Variants in COL1A2 observed in about 807,000 individuals in gnomAD.
The protein encoded by COL1A2 is collagen type I alpha 2 chain.
In COL1A2, 49 loss-of-function variants were observed where a neutral mutation model predicts 174.3. The ratio of observed to expected loss-of-function variants is 0.28; its 90% CI spans 0.22 to 0.36. COL1A2 has a LOEUF of 0.36. COL1A2 is among the 10% of genes least tolerant of loss of function. The pLI, the probability that COL1A2 is intolerant of heterozygous loss-of-function variation, is 1.00. For missense variants in COL1A2, 1,438 were observed against 1,822.7 expected, an observed-to-expected ratio of 0.79 and a Z score of 3.84; for synonymous variants, 655 against 606.6, an observed-to-expected ratio of 1.08 and a Z score of -1.17.
At chr7:94,404,420 A>C in intron 6 of COL1A2, 136 bp from the exon 7 acceptor site, 1 of 919,226 alleles carries the variant, frequency 1.1e-6, no homozygotes, top group Non-Finnish European at 1.8e-6. Context: ...TGAGTCCTTA[A>C]ATTCTTCCTT....
chr7:94,416,686 A>G (rs1792048680), intron 31 of COL1A2, 183 bp downstream of exon 31: 1 of 592,156 alleles, frequency 1.7e-6, no homozygotes, highest in East Asian at 2.8e-5. Flanking sequence ...CAAACAAACA[A>G]TAGCAACAAA....
At chr7:94,406,583 G>T (rs1232727570) in intron 12 of COL1A2, among the ~76,000 whole-genome samples, 1 of 151,892 alleles carries the variant, frequency 6.6e-6, no homozygotes, top group Non-Finnish European at 1.5e-5. Context: ...TATAATTCCA[G>T]TGTATCTCTG....
intron 48 of COL1A2, 62 bp from the exon 49 acceptor site, chr7:94,427,565 C>T (rs1178561176): frequency 1.9e-6 from 3 of 1,583,644 alleles, no homozygotes; most frequent in African/African-American, 1.3e-5. Context: ...AATCTGCTGC[C>T]ATGGATGTCT....
Position 94,394,958 on chromosome 7 carries a change from C to T in COL1A2, c.-74C>T. 2 of 1,357,530 alleles carry T rather than the reference C, an allele frequency of 1.5e-6. No homozygotes were observed. Among genetic ancestry groups the T allele is most frequent in the Non-Finnish European group, 2.1e-6 (2 of 948,276 alleles). The allele number at this position is 1,357,530 out of a possible 1,614,324, so 84.1% of individuals were successfully genotyped here. A position where few individuals can be genotyped will look rare whatever the true frequency, so the allele number is the denominator to read the frequency against. On this transcript the variant is annotated 5_prime_UTR_variant, in exon 1 of 52. Transcript: ENST00000297268. The stretch of plus-strand genomic sequence containing the variant: ...TACTGGCCACGACTGCATGCCCGCG[C>T]CCGCCAGGTGATACCTCCGCCGGTG...
intron 40 of COL1A2, 124 bp from the exon 41 acceptor site, chr7:94,424,212 C>T: frequency 1.3e-6 from 1 of 767,416 alleles, no homozygotes; most frequent in South Asian, 1.5e-5. Flanking sequence ...AGGATATGTC[C>T]TAGTAATAGG....
Position 94,422,897 on chromosome 7 carries a change from C to T in COL1A2, c.2404-60C>T, listed in dbSNP as rs1792196524. The T allele has an allele frequency of 9.4e-6, 15 of 1,592,054 alleles. 1 individual carries two copies. The highest frequency in any genetic ancestry group is 2.2e-5 in the East Asian group (1 of 44,754). On this transcript the variant is annotated intron_variant, in intron 39 of 51. Coordinates refer to ENST00000297268, the MANE Select transcript of COL1A2 (RefSeq NM_000089.4). ...ATCTTAAGATCTAGAATCTTTGCTG[C>T]TCTCTTCCAGGCCCTTGGTGATTAA...
chr7:94,411,745 A>G (rs1347199259), intron 23 of COL1A2, among the ~76,000 whole-genome samples: 1 of 152,248 alleles, frequency 6.6e-6, no homozygotes, highest in African/African-American at 2.4e-5. Context: ...GAAATTGTTT[A>G]CTAAAAGTAT....
intron 28 of COL1A2, 104 bp from the exon 29 acceptor site, chr7:94,414,118 G>A (rs1379070716): frequency 7.5e-6 from 10 of 1,342,084 alleles, no homozygotes; most frequent in East Asian, 2.3e-5. Flanking sequence ...ACATACAATC[G>A]TGCTCATGTT....
chr7:94,428,096 C>A (rs1019780605), intron 49 of COL1A2, among the ~76,000 whole-genome samples, 197 bp from the exon 50 acceptor site: 2 of 152,194 alleles, frequency 1.3e-5, no homozygotes, highest in South Asian at 4.2e-4. Context: ...GTAATAAGTA[C>A]CCTGATTTGA....
intron 29 of COL1A2, 98 bp from the exon 30 acceptor site, chr7:94,415,128 G>A: frequency 9.1e-7 from 1 of 1,103,902 alleles, no homozygotes; most frequent in South Asian, 1.2e-5. Flanking sequence ...ATACTGCCAG[G>A]TTTATTTCAC....
intron 4 of COL1A2, 33 bp downstream of exon 4, chr7:94,399,117 C>T (rs778969687): frequency 6.3e-7 from 1 of 1,595,332 alleles, no homozygotes; most frequent in Admixed American, 1.7e-5. Context: ...AGGGCTTCGT[C>T]CCGTATTTGA....
chr7:94,398,635 GGA>G (rs1491363075), intron 3 of COL1A2, among the ~76,000 whole-genome samples: 2 of 146,154 alleles, frequency 1.4e-5, no homozygotes, highest in African/African-American at 5.4e-5. Context: ...ACATACAAAA[GGA>G]AAAAAAAAGA....
intron 1 of COL1A2, 40 bp from the exon 2 acceptor site, chr7:94,397,708 C>A (rs1425406385): frequency 8.8e-7 from 1 of 1,132,102 alleles, no homozygotes; most frequent in Non-Finnish European, 1.3e-6. Context: ...TGAAGTGATA[C>A]TAATAATTGT....
At chr7:94,419,819 A>G (rs1271227736) in intron 34 of COL1A2, among the ~76,000 whole-genome samples, 1 of 152,204 alleles carries the variant, frequency 6.6e-6, no homozygotes, top group African/African-American at 2.4e-5. Flanking sequence ...ACAATATCCT[A>G]ATGCACTGAG....
chr7:94,419,418 CA>C, intron 33 of COL1A2, 79 bp from the exon 34 acceptor site: 1 of 1,496,352 alleles, frequency 6.7e-7, no homozygotes, highest in Middle Eastern at 1.7e-4. Flanking sequence ...ACTGTATAAG[CA>C]CAGAAAAAAA....
chr7:94,422,586 AAG>A, intron 39 of COL1A2: 6 of 208,214 alleles, frequency 2.9e-5, no homozygotes, highest in Non-Finnish European at 5.8e-5. Flanking sequence ...AAAAAAAAAA[AAG>A]AAGAAAAAAG....
intron 23 of COL1A2, 80 bp from the exon 24 acceptor site, chr7:94,411,988 T>A: frequency 8.1e-7 from 1 of 1,238,234 alleles, no homozygotes; most frequent in Non-Finnish European, 1.2e-6. Flanking sequence ...AAAAGGTGCC[T>A]TTGTTAGACT....
In COL1A2 at chr7:94,419,538, C is replaced by T; in HGVS notation, c.2066C>T (p.Ala689Val). The T allele has an allele frequency of 6.2e-7, 1 of 1,614,046 alleles. No individual in the cohort carries two copies. The change falls in exon 34 of 52, where the codon GCC becomes GTC. Residue 689 changes from alanine (A) to valine (V), a missense_variant. Physicochemically the swap from Ala to Val is moderately conservative, Grantham distance 64 (BLOSUM62 0). Coordinates refer to ENST00000297268, the MANE Select transcript of COL1A2 (RefSeq NM_000089.4). ...GAVGAPGPAG[A>V]TGDRGEAGAA... ...GTAGGTGCCCCTGGTCCTGCTGGAG[C>T]CACAGGTGACCGGGTAAGCATGCAT... is the stretch of plus-strand genomic sequence containing the variant.
In COL1A2 at chr7:94,406,280, C is replaced by A; in HGVS notation, c.571C>A (p.Gln191Lys). The A allele has an allele frequency of 6.2e-7, 1 of 1,613,978 alleles. No homozygotes were observed. The highest frequency in any genetic ancestry group is 8.5e-7 in the Non-Finnish European group (1 of 1,179,886). The change falls in exon 12 of 52, where the codon CAG (glutamine) becomes AAG (lysine). Residue 191 changes from glutamine (Q) to lysine (K), a missense_variant. Physicochemically the swap from Gln to Lys is moderately conservative, Grantham distance 53 (BLOSUM62 1). Around this residue, in one of 3 missense-constraint regions of COL1A2, gnomAD observed 281 missense variants for 310.9 expected, o/e 0.90. Coordinates refer to ENST00000297268, the MANE Select transcript of COL1A2 (RefSeq NM_000089.4). ...GHNGLDGLKGQPGAPGVKGEP... is the reference protein window; with the variant it reads ...GHNGLDGLKGKPGAPGVKGEP... The stretch of plus-strand genomic sequence containing the variant: ...CAATGGTCTGGATGGATTGAAGGGA[C>A]AGCCCGGTGCTCCTGGTGTGAAGGT...
Sources: allele counts gnomAD v4.1 joint callset (sites outside exome capture counted in the v4.1 genomes callset), GRCh38; gene constraint gnomAD v4.1.1; regional missense constraint gnomAD v4.1.1; transcripts MANE v1.5; gene names NCBI Gene and HGNC (gene_info 2026-07-23, HGNC 2026-07-21).